KIAA2012: variants seen among roughly 807,000 people sequenced by gnomAD.
KIAA2012 encodes the protein uncharacterized protein KIAA2012.
A neutral mutation model predicts 150.6 loss-of-function variants in KIAA2012; 125 were observed. That is an observed-to-expected ratio of 0.83 (90% CI 0.72 to 0.96). The LOEUF is 0.96. Among genes scored for constraint, KIAA2012 ranks in the 40% least tolerant of loss-of-function variants. The pLI, the probability that KIAA2012 is intolerant of heterozygous loss-of-function variation, is 0.00. For synonymous variants in KIAA2012, 462 were observed against 504.7 expected, an observed-to-expected ratio of 0.92 and a Z score of 1.13; for missense variants, 1,219 against 1,354.9, an observed-to-expected ratio of 0.90 and a Z score of 1.57.
intron 12 of KIAA2012, chr2:202,135,681 C>T (rs1163825630): frequency 6.6e-6 from 1 of 152,236 alleles, no homozygotes; most frequent in Non-Finnish European, 1.5e-5. Flanking sequence ...TTTCCTTATG[C>T]ATTAGAATTC....
intron 12 of KIAA2012, among the ~76,000 whole-genome samples, chr2:202,128,595 G>T (rs531185469): frequency 9.9e-5 from 15 of 152,138 alleles, no homozygotes; most frequent in African/African-American, 3.6e-4. Context: ...CTTTTTAAGG[G>T]CAGGGGCCCA....
At chr2:202,152,581 G>C (rs1350753979) in intron 13 of KIAA2012, among the ~76,000 whole-genome samples, 4 of 152,150 alleles carry the variant, frequency 2.6e-5, no homozygotes, top group African/African-American at 9.7e-5. Flanking sequence ...CATGATTGTG[G>C]AGGCTAGAAA....
intron 2 of KIAA2012, among the ~76,000 whole-genome samples, chr2:202,075,500 A>G (rs1689306750): frequency 6.6e-6 from 1 of 152,226 alleles, no homozygotes; most frequent in Middle Eastern, 3.2e-3. Flanking sequence ...CAGACGTTTC[A>G]TCAGGATCCT....
intron 19 of KIAA2012, among the ~76,000 whole-genome samples, chr2:202,191,225 C>T (rs563029232): frequency 3.1e-4 from 47 of 151,020 alleles, no homozygotes; most frequent in African/African-American, 1.0e-3. Flanking sequence ...TGCAGTGAGC[C>T]GAGATCACAC....
chr2:202,180,608 C>T (rs991255090), intron 15 of KIAA2012, among the ~76,000 whole-genome samples: 1 of 152,040 alleles, frequency 6.6e-6, no homozygotes, highest in Non-Finnish European at 1.5e-5. Context: ...GTGGATCACT[C>T]GAGGCCAGGG....
chr2:202,166,821 G>T (rs1424094405), intron 15 of KIAA2012, among the ~76,000 whole-genome samples: 2 of 152,130 alleles, frequency 1.3e-5, no homozygotes. Flanking sequence ...ATGAGTCTTA[G>T]ACTTGGTGAG....
At position 202,190,214 on chromosome 2, in the gene KIAA2012, A is replaced by C. The variant is rs1479591174; in HGVS notation, c.2532A>C (p.Lys844Asn). Residue 844 changes from lysine to asparagine, a missense_variant, in exon 19 of 24, where the codon AAA becomes AAC. By Grantham distance (94) the Lys-to-Asn change is moderately conservative. Transcript: ENST00000498697. Reference protein sequence around the residue: ...KDSKAKKKLEKKTRPQRKRTQ... With the variant: ...KDSKAKKKLENKTRPQRKRTQ... ...CAAAGGCTAAAAAAAAATTAGAAAA[A>C]AAAACAAGACCCCAAAGGAAAAGGA... 3 of 1,520,052 alleles carry C rather than the reference A, an allele frequency of 2.0e-6. No individual in the cohort carries two copies. The highest frequency in any genetic ancestry group is 1.3e-5 in the South Asian group (1 of 77,572). The allele number at this position is 1,520,052 out of a possible 1,614,324, so 94.2% of individuals were successfully genotyped here. A position where few individuals can be genotyped will look rare whatever the true frequency, so the allele number is the denominator to read the frequency against.
chr2:202,160,439 A>G lies in KIAA2012; in HGVS notation c.2047-4845A>G, dbSNP rs995098021. 2.0e-5 allele frequency among the ~76,000 whole-genome samples: 3 copies of G among 148,782 alleles called. No homozygotes were observed. In the Admixed American group the frequency reaches 2.0e-4, roughly 10 times the overall value. Reference sequence around the variant, plus strand: ...CGCCATTCTCCTGCCTCAGCCTCCCAAGTAGCTGGGACTACAGGCGCCCGC... The same window carrying G: ...CGCCATTCTCCTGCCTCAGCCTCCCGAGTAGCTGGGACTACAGGCGCCCGC... On this transcript the variant is annotated intron_variant, in intron 14 of 23. Coordinates refer to ENST00000498697, the MANE Select transcript of KIAA2012 (RefSeq NM_001277372.4).
rs375569623 is a variant in KIAA2012, at chr2:202,153,406, C to G, written c.1909-1267C>G. On this transcript the variant is annotated intron_variant, in intron 13 of 23. Coordinates refer to ENST00000498697, the MANE Select transcript of KIAA2012 (RefSeq NM_001277372.4). ...CAGAAGAAGGGGAGAGGGAAGGACACTTACAAAGGTCTTGCTCCAGGAGCT... is the reference window on the plus strand; with the variant it reads ...CAGAAGAAGGGGAGAGGGAAGGACAGTTACAAAGGTCTTGCTCCAGGAGCT... 7.2e-5 allele frequency among the ~76,000 whole-genome samples: 11 copies of G among 152,332 alleles called. No homozygotes were observed. The South Asian group carries it at 2.1e-3, about 29-fold the overall frequency.
At chr2:202,196,186 C>CTTTTTTTTTTT (rs869092899) in intron 21 of KIAA2012, among the ~76,000 whole-genome samples, 98 of 79,702 alleles carry the variant, frequency 1.2e-3, no homozygotes, top group African/African-American at 1.9e-3. Context: ...CTTTTCTTTT[C>CTTTTTTTTTTT]TTTTTTTTTT....
chr2:202,197,036 C>T lies in KIAA2012; in HGVS notation c.3407+17C>T, dbSNP rs1372468274. On this transcript the variant is annotated intron_variant, in intron 22 of 23. Coordinates refer to ENST00000498697, the MANE Select transcript of KIAA2012 (RefSeq NM_001277372.4). ...ACAAGCCAGGTACTGGATATTTGGG[C>T]AACAGTTGCCATAGGGGGATGGTTC... The T allele has an allele frequency of 1.3e-6, 2 of 1,550,384 alleles. No homozygotes were observed.
At chr2:202,096,622 G>A (rs147593709) in intron 4 of KIAA2012, among the ~76,000 whole-genome samples, 2 of 152,318 alleles carry the variant, frequency 1.3e-5, no homozygotes, top group African/African-American at 2.4e-5. Context: ...GCAGCTCGCA[G>A]AAGTCTTGTG....
chr2:202,203,771 T>TC (rs1491485701), intron 23 of KIAA2012, among the ~76,000 whole-genome samples: 3 of 137,396 alleles, frequency 2.2e-5, no homozygotes, highest in Non-Finnish European at 5.0e-5. Context: ...TACCAGGATG[T>TC]CTTTTTTTTT....
intron 15 of KIAA2012, among the ~76,000 whole-genome samples, chr2:202,168,592 G>T (rs1691822606): frequency 6.6e-6 from 1 of 152,036 alleles, no homozygotes; most frequent in African/African-American, 2.4e-5. Flanking sequence ...CCCAGTCTGG[G>T]TGGCATAAGG....
At chr2:202,201,933 T>C (rs1361322437) in intron 22 of KIAA2012, 2 of 772,792 alleles carry the variant, frequency 2.6e-6, no homozygotes, top group African/African-American at 3.4e-5. Context: ...CGGTTATCTT[T>C]TCCGTCCTCT....
At chr2:202,085,652 T>G (rs963445008) in intron 2 of KIAA2012, among the ~76,000 whole-genome samples, 1 of 152,180 alleles carries the variant, frequency 6.6e-6, no homozygotes, top group African/African-American at 2.4e-5. Context: ...CAGAACAGTA[T>G]GAGAATAATA....
chr2:202,140,430 C>T (rs1691175863), intron 13 of KIAA2012, among the ~76,000 whole-genome samples: 1 of 152,104 alleles, frequency 6.6e-6, no homozygotes, highest in Non-Finnish European at 1.5e-5. Flanking sequence ...CCCACCAGAA[C>T]CCATTGGTTT....
rs1028464545 is a variant in KIAA2012 at position 202,155,311 on chromosome 2, G to A, written c.2046+501G>A. On this transcript the variant is annotated intron_variant, in intron 14 of 23. Coordinates refer to ENST00000498697, the MANE Select transcript of KIAA2012 (RefSeq NM_001277372.4). ...AGCTCAGCTTCATTTCAAGTTAAGG[G>A]TTCTGAGGGTTTCTATAGTGAGGGT... is the stretch of plus-strand genomic sequence containing the variant. Among the ~76,000 whole-genome samples, 6 of 152,108 alleles carry A rather than the reference G, an allele frequency of 3.9e-5. No homozygotes were observed. The East Asian group carries it at 1.2e-3, about 29-fold the overall frequency.
chr2:202,149,450 C>T (rs995363096), intron 13 of KIAA2012, among the ~76,000 whole-genome samples: 5 of 152,290 alleles, frequency 3.3e-5, no homozygotes, highest in African/African-American at 1.2e-4. Context: ...GTTACAAAGG[C>T]CCTCCTCCTT....
Sources: allele counts gnomAD v4.1 joint callset (sites outside exome capture counted in the v4.1 genomes callset), GRCh38; gene constraint gnomAD v4.1.1; transcripts MANE v1.5; gene names NCBI Gene and HGNC (gene_info 2026-07-23, HGNC 2026-07-21).